SLC14A2: variants seen among roughly 807,000 people sequenced by gnomAD.
The protein encoded by SLC14A2 is solute carrier family 14 member 2.
SLC14A2 carries 91 observed loss-of-function variants against 104.6 expected under a neutral mutation model. The observed-to-expected ratio is 0.87, with a 90% CI of 0.73 to 1.04. SLC14A2 has a LOEUF of 1.04. Ranked by LOEUF, SLC14A2 falls within the 50% of genes least tolerant of loss-of-function variation. The pLI is 0.00. For missense variants in SLC14A2, 1,189 were observed against 1,156.0 expected, an observed-to-expected ratio of 1.03 and a Z score of -0.41; for synonymous variants, 476 against 466.4, an observed-to-expected ratio of 1.02 and a Z score of -0.27.
At chr18:45,449,410 G>T (rs2086823492) in intron 1 of SLC14A2, among the ~76,000 whole-genome samples, 1 of 152,076 alleles carries the variant, frequency 6.6e-6, no homozygotes, top group South Asian at 2.1e-4. Context: ...AAAACACATT[G>T]TTCATACCTC....
intron 2 of SLC14A2, among the ~76,000 whole-genome samples, chr18:45,574,990 G>A (rs1358051910): frequency 6.6e-6 from 1 of 152,202 alleles, no homozygotes; most frequent in Non-Finnish European, 1.5e-5. Context: ...GAAAGATGAA[G>A]CAAGGAGGAG....
At chr18:45,641,117 A>T (rs767142247) in intron 7 of SLC14A2, 92 bp from the exon 8 acceptor site, 35 of 1,390,896 alleles carry the variant, frequency 2.5e-5, no homozygotes, top group Non-Finnish European at 3.2e-5. Context: ...GAACAACAGC[A>T]TGGAGGCCAC....
chr18:45,439,493 T>C (rs942175562), intron 1 of SLC14A2, among the ~76,000 whole-genome samples: 48 of 152,194 alleles, frequency 3.2e-4, no homozygotes, highest in African/African-American at 1.1e-3. Flanking sequence ...CAGCTATTTA[T>C]TGCACATCTA....
At chr18:45,504,655 T>C (rs1568247229) in intron 2 of SLC14A2, among the ~76,000 whole-genome samples, 1 of 152,226 alleles carries the variant, frequency 6.6e-6, no homozygotes, top group South Asian at 2.1e-4. Context: ...TAAAAATATT[T>C]GAGTTACACA....
In SLC14A2 at chr18:45,609,104, C is replaced by T. The variant is rs1053294878; in HGVS notation, c.-34-15527C>T. On this transcript the variant is annotated intron_variant, in intron 2 of 20. Coordinates refer to the SLC14A2 transcript ENST00000586448. ...TTTGGAGGCTCACAGGCTGTTGCCC[C>T]CTTCAGAGTAGGGACAAATGGCTCA... Among the ~76,000 whole-genome samples, 8 of 152,166 alleles carry T rather than the reference C, an allele frequency of 5.3e-5. No homozygotes were observed. In the South Asian group the frequency reaches 1.5e-3, roughly 28 times the overall value.
intron 1 of SLC14A2, among the ~76,000 whole-genome samples, chr18:45,362,854 G>A (rs1357732340): frequency 1.3e-5 from 2 of 152,146 alleles, no homozygotes; most frequent in East Asian, 1.9e-4. Flanking sequence ...CAAATATTTA[G>A]TTCTCATCTT....
chr18:45,486,641 A>C (rs1325081542), intron 2 of SLC14A2, among the ~76,000 whole-genome samples: 9 of 152,210 alleles, frequency 5.9e-5, no homozygotes, highest in Admixed American at 5.9e-4. Context: ...CAGAATAGAA[A>C]ATTTAGAAAT....
At chr18:45,367,321 G>A (rs924430823) in intron 1 of SLC14A2, among the ~76,000 whole-genome samples, 2 of 152,186 alleles carry the variant, frequency 1.3e-5, no homozygotes, top group South Asian at 4.1e-4. Flanking sequence ...ATGAAACTGG[G>A]TTTCCTATAG....
intron 1 of SLC14A2, among the ~76,000 whole-genome samples, chr18:45,254,560 A>C (rs1226489592): frequency 6.6e-6 from 1 of 152,198 alleles, no homozygotes; most frequent in Non-Finnish European, 1.5e-5. Context: ...ACTGTGAAAC[A>C]ACCTCAATTT....
intron 1 of SLC14A2, among the ~76,000 whole-genome samples, chr18:45,265,913 A>G (rs1197754415): frequency 1.3e-5 from 2 of 152,212 alleles, no homozygotes; most frequent in African/African-American, 4.8e-5. Flanking sequence ...AAAATAAACA[A>G]AAATCCTTGC....
At chr18:45,594,343 G>A (rs1485253718) in intron 2 of SLC14A2, among the ~76,000 whole-genome samples, 1 of 152,212 alleles carries the variant, frequency 6.6e-6, no homozygotes, top group African/African-American at 2.4e-5. Context: ...TAGATGTGAG[G>A]TTCAAGGGAA....
At chr18:45,674,119 A>T (rs561720738) in intron 18 of SLC14A2, among the ~76,000 whole-genome samples, 1 of 152,318 alleles carries the variant, frequency 6.6e-6, no homozygotes, top group South Asian at 2.1e-4. Flanking sequence ...CACCTTAAGC[A>T]TTCAAACATT....
intron 1 of SLC14A2, among the ~76,000 whole-genome samples, chr18:45,404,143 G>T (rs2144464621): frequency 6.6e-6 from 1 of 152,244 alleles, no homozygotes. Context: ...GGCTCCCATT[G>T]CTTTCCATCT....
At chr18:45,559,152 T>C (rs780574728) in intron 2 of SLC14A2, among the ~76,000 whole-genome samples, 44 of 152,224 alleles carry the variant, frequency 2.9e-4, no homozygotes, top group Non-Finnish European at 6.0e-4. Context: ...TAGGCTAAAC[T>C]CAATCAGTTC....
chr18:45,414,012 CA>C (rs1224730478), intron 1 of SLC14A2, among the ~76,000 whole-genome samples: 6 of 151,758 alleles, frequency 4.0e-5, no homozygotes, highest in African/African-American at 1.2e-4. Flanking sequence ...GTGCCTCGTA[CA>C]AAAAAAGTAT....
At chr18:45,562,756 GC>G (rs1179325159) in intron 2 of SLC14A2, among the ~76,000 whole-genome samples, 3 of 152,104 alleles carry the variant, frequency 2.0e-5, no homozygotes, top group African/African-American at 7.2e-5. Flanking sequence ...CTGAGCTCTG[GC>G]CCCCGGAGAG....
intron 1 of SLC14A2, among the ~76,000 whole-genome samples, chr18:45,253,111 A>G (rs2084440248): frequency 2.0e-5 from 3 of 152,202 alleles, no homozygotes; most frequent in African/African-American, 4.8e-5. Context: ...CCCAGAGGAT[A>G]TGTTAAAACC....
intron 1 of SLC14A2, among the ~76,000 whole-genome samples, chr18:45,282,991 G>A (rs1402979469): frequency 6.6e-6 from 1 of 152,146 alleles, no homozygotes; most frequent in South Asian, 2.1e-4. Flanking sequence ...AACAGTGATG[G>A]ACCTCCGGCC....
At chr18:45,516,858 C>T (rs1454614742) in intron 2 of SLC14A2, among the ~76,000 whole-genome samples, 1 of 152,212 alleles carries the variant, frequency 6.6e-6, no homozygotes, top group Admixed American at 6.5e-5. Context: ...CACCAGGAGA[C>T]ACACTGCTCT....
Sources: gnomAD v4.1 joint callset for allele counts (sites outside exome capture counted in the v4.1 genomes callset) on GRCh38, gnomAD v4.1.1 for gene constraint, MANE v1.5 for transcripts, NCBI Gene and HGNC (gene_info 2026-07-23, HGNC 2026-07-21) for gene names.